The following NUP98 variants were observed in gnomAD, a reference collection of about 807,000 sequenced individuals.
The protein encoded by NUP98 is nuclear pore complex protein Nup98-Nup96.
NUP98 carries 26 observed loss-of-function variants against 191.9 expected under a neutral mutation model. The observed-to-expected ratio is 0.14, with a 90% CI of 0.10 to 0.19. NUP98 has a LOEUF of 0.19. NUP98 is among the 10% of genes least tolerant of loss of function. The pLI is 1.00. For synonymous variants in NUP98, 808 were observed against 778.4 expected, an observed-to-expected ratio of 1.04 and a Z score of -0.63; for missense variants, 1,941 against 2,178.8, an observed-to-expected ratio of 0.89 and a Z score of 2.17.
In NUP98 at chr11:3,771,013, TCAC is replaced by T. The variant is rs575874969; in HGVS notation, c.784+732_784+734del. Reference sequence around the variant, plus strand: ...AAGTAGTTGGGATTACAGGTGCTTGTCACCACGCCTGGCTAATTTTCATATTTT... The same window carrying T: ...AAGTAGTTGGGATTACAGGTGCTTGTCACGCCTGGCTAATTTTCATATTTT... On this transcript the variant is annotated intron_variant, in intron 7 of 32. Coordinates refer to ENST00000324932, the MANE Select transcript of NUP98 (RefSeq NM_016320.5). 2.5e-4 allele frequency among the ~76,000 whole-genome samples: 38 copies of T among 152,192 alleles called. No homozygotes were observed. In the East Asian group the frequency reaches 7.2e-3, roughly 29 times the overall value.
intron 1 of NUP98, among the ~76,000 whole-genome samples, chr11:3,792,337 A>G (rs1323023090): frequency 6.6e-6 from 1 of 151,970 alleles, no homozygotes; most frequent in Non-Finnish European, 1.5e-5. Context: ...GGCCAGGCCT[A>G]TGGGGCTCAT....
chr11:3,712,634 G>A lies in NUP98; in HGVS notation c.2672C>T (p.Pro891Leu), dbSNP rs375585822. 1.9e-6 allele frequency: 3 copies of A among 1,613,784 alleles called. No homozygotes were observed. In the African/African-American group the frequency reaches 4.0e-5, roughly 22 times the overall value. Residue 891 changes from proline to leucine, a missense_variant, in exon 20 of 33, where the codon CCT becomes CTT. Pro to Leu is a moderately conservative substitution (Grantham distance 98, BLOSUM62 -3). This residue lies in a region of NUP98 where 95 missense variants were observed against 139.7 expected (regional missense o/e 0.68). Coordinates refer to ENST00000324932, the MANE Select transcript of NUP98 (RefSeq NM_016320.5). ...KTSTKKLKTA[P>L]LPPASQTTPL... ...CGTAGTCTGGCTTGCAGGAGGCAAAGGAGCAGTCTTCAACTTCTTTGTACT... is the reference window on the plus strand; with the variant it reads ...CGTAGTCTGGCTTGCAGGAGGCAAAAGAGCAGTCTTCAACTTCTTTGTACT...
At chr11:3,741,350 G>A (rs1462874439) in intron 12 of NUP98, among the ~76,000 whole-genome samples, 4 of 151,616 alleles carry the variant, frequency 2.6e-5, no homozygotes, top group South Asian at 2.1e-4. Context: ...TGGCAGGAGC[G>A]GTGGCTCATG....
Position 3,764,628 on chromosome 11 carries a change from G to C in NUP98, c.949-1589C>G, listed in dbSNP as rs572487268. On this transcript the variant is annotated intron_variant, in intron 8 of 32. Coordinates refer to ENST00000324932, the MANE Select transcript of NUP98 (RefSeq NM_016320.5). ...GAGTCTCACACTGTCACCCAGGCTG[G>C]AGTGCAGTAGCACAATCTCGGCTCA... Among the ~76,000 whole-genome samples the C allele has an allele frequency of 3.3e-5, 5 of 152,234 alleles. No individual in the cohort carries two copies. The South Asian group carries it at 6.2e-4, about 19-fold the overall frequency.
chr11:3,784,836 T>C (rs1564929048), intron 1 of NUP98, among the ~76,000 whole-genome samples: 1 of 152,076 alleles, frequency 6.6e-6, no homozygotes, highest in Non-Finnish European at 1.5e-5. Context: ...AAGTTCAAGT[T>C]ACTCTAAAGC....
intron 20 of NUP98, among the ~76,000 whole-genome samples, chr11:3,706,989 T>A (rs1300678490): frequency 6.6e-6 from 1 of 152,210 alleles, no homozygotes; most frequent in African/African-American, 2.4e-5. Context: ...CACCTTTTCC[T>A]AACACTGCCA....
rs546548300 is a variant in NUP98, at chr11:3,679,030, T to C, written c.5073+524A>G. On this transcript the variant is annotated intron_variant, in intron 31 of 32. Coordinates refer to ENST00000324932, the MANE Select transcript of NUP98 (RefSeq NM_016320.5). ...CCCAGCTACTTGGGAGGCTGGGGCA[T>C]GAGACTCACTTAAGACTGGGAGGCA... Among the ~76,000 whole-genome samples the C allele has an allele frequency of 7.5e-5, 11 of 147,380 alleles. No homozygotes were observed. The South Asian group carries it at 2.3e-3, about 31-fold the overall frequency.
At chr11:3,732,023 T>G (rs1040743581) in intron 13 of NUP98, among the ~76,000 whole-genome samples, 4 of 152,218 alleles carry the variant, frequency 2.6e-5, no homozygotes, top group African/African-American at 9.6e-5. Context: ...GAACTGATTT[T>G]TACTCATCTT....
At chr11:3,754,877 G>C in intron 10 of NUP98, among the ~76,000 whole-genome samples, 1 of 150,012 alleles carries the variant, frequency 6.7e-6, no homozygotes. Context: ...GGGAGGCAGA[G>C]GCTGCAGTAA....
Position 3,706,549 on chromosome 11 carries a change from C to A in NUP98, c.2821G>T (p.Val941Phe). 6.2e-7 allele frequency: 1 copy of A among 1,614,164 alleles called. No individual in the cohort carries two copies. ...SDMVDITQEP[V>F]LDTMLEESMP... is the part of the protein sequence containing the mutation. ...CTCTCTTCTAACATGGTATCCAAAA[C>A]TGGCTCCTGGGTGATATCTACCATG... Residue 941 changes from valine (V) to phenylalanine (F), a missense_variant, in exon 21 of 33, where the codon GTT (valine) becomes TTT (phenylalanine). This residue lies in a region of NUP98 where 1,030 missense variants were observed against 1,115.8 expected (regional missense o/e 0.92). Coordinates refer to ENST00000324932, the MANE Select transcript of NUP98 (RefSeq NM_016320.5).
At chr11:3,733,744 T>C (rs1161420990) in intron 13 of NUP98, among the ~76,000 whole-genome samples, 1 of 152,246 alleles carries the variant, frequency 6.6e-6, no homozygotes, top group Non-Finnish European at 1.5e-5. Flanking sequence ...TCGTCATTGA[T>C]AGACACTCTT....
rs1264240788 is a variant in NUP98, at chr11:3,686,252, T to G, written c.4455-58A>C. The G allele has an allele frequency of 1.1e-5, 16 of 1,467,392 alleles. No individual in the cohort carries two copies. In the Admixed American group the frequency reaches 1.9e-4, roughly 17 times the overall value. The allele number at this position is 1,467,392 out of a possible 1,614,324, so 90.9% of individuals were successfully genotyped here. On this transcript the variant is annotated intron_variant, in intron 28 of 32. Transcript: ENST00000324932. Reference sequence around the variant, plus strand: ...AGCCAGGAGACGGCCTGGACTGATATGTCAACTGTTCTGCTTATGTCTAAG... The same window carrying G: ...AGCCAGGAGACGGCCTGGACTGATAGGTCAACTGTTCTGCTTATGTCTAAG...
Position 3,694,584 on chromosome 11 carries a change from C to G in NUP98, c.4167+865G>C, listed in dbSNP as rs578260202. Among the ~76,000 whole-genome samples the G allele has an allele frequency of 4.0e-5, 6 of 149,324 alleles. No homozygotes were observed. In the South Asian group the frequency reaches 1.3e-3, roughly 32 times the overall value. ...TGAAACCCTGTCTCTACTTAAAATACAAAAAATTAGCCCAGCGTGGTGGCA... is the reference window on the plus strand; with the variant it reads ...TGAAACCCTGTCTCTACTTAAAATAGAAAAAATTAGCCCAGCGTGGTGGCA... On this transcript the variant is annotated intron_variant, in intron 26 of 32. Coordinates refer to ENST00000324932, the MANE Select transcript of NUP98 (RefSeq NM_016320.5).
chr11:3,793,373 T>C (rs958977769), intron 1 of NUP98, among the ~76,000 whole-genome samples: 14 of 151,908 alleles, frequency 9.2e-5, no homozygotes, highest in African/African-American at 3.4e-4. Context: ...CACTGCAACC[T>C]CTGCCTCCTG....
At chr11:3,789,501 C>CTTTTTTTTTTTTTTTTTTTTT (rs914589009) in intron 1 of NUP98, among the ~76,000 whole-genome samples, 1 of 123,066 alleles carries the variant, frequency 8.1e-6, no homozygotes, top group Non-Finnish European at 1.7e-5. Context: ...TTACCTATTT[C>CTTTTTTTTTTTTTTTTTTTTT]TTTTTTTTTT....
chr11:3,723,759 T>A (rs537151170), intron 15 of NUP98, among the ~76,000 whole-genome samples: 66 of 142,742 alleles, frequency 4.6e-4, no homozygotes, highest in Middle Eastern at 3.6e-3. Flanking sequence ...ATAATAATAA[T>A]AAAAAACACT....
intron 11 of NUP98, among the ~76,000 whole-genome samples, chr11:3,747,795 A>T (rs944650237): frequency 1.3e-5 from 2 of 152,234 alleles, no homozygotes; most frequent in Non-Finnish European, 2.9e-5. Flanking sequence ...GCCTGAAGCT[A>T]TAGTGCTAGT....
rs1217076134 is a variant in NUP98 at position 3,762,907 on chromosome 11, C to T, written c.1081G>A (p.Gly361Ser). Residue 361 changes from glycine (G) to serine (S), a missense_variant, in exon 9 of 33, where the codon GGT (glycine) becomes AGT (serine). By Grantham distance (56) the Gly-to-Ser change is moderately conservative. This residue lies in a region of NUP98 where 181 missense variants were observed against 228.0 expected (regional missense o/e 0.79). Transcript: ENST00000324932. The part of the protein sequence containing the change: ...GQTNTGFGAV[G>S]STLFGNNKLT... ...AGTCAACTGCAGAAACCTACCGAAC[C>T]AACAGCACCAAATCCAGTATTGGTC... 1.9e-6 allele frequency: 3 copies of T among 1,613,402 alleles called. No individual in the cohort carries two copies. Among genetic ancestry groups the T allele is most frequent in the Admixed American group, 1.7e-5 (1 of 59,820 alleles).
intron 1 of NUP98, among the ~76,000 whole-genome samples, chr11:3,786,029 G>C (rs1178803241): frequency 6.6e-6 from 1 of 151,920 alleles, no homozygotes; most frequent in Non-Finnish European, 1.5e-5. Context: ...TTCTAATGCT[G>C]CTTATGAATT....
Sources: allele counts gnomAD v4.1 joint callset (sites outside exome capture counted in the v4.1 genomes callset), GRCh38; gene constraint gnomAD v4.1.1; regional missense constraint gnomAD v4.1.1; transcripts MANE v1.5; gene names NCBI Gene and HGNC (gene_info 2026-07-23, HGNC 2026-07-21).